TANK: variants seen among roughly 807,000 people sequenced by gnomAD.
The protein encoded by TANK is TRAF family member-associated NF-kappa-B activator.
A neutral mutation model predicts 43.6 loss-of-function variants in TANK; 15 were observed. The ratio of observed to expected loss-of-function variants is 0.34; its 90% CI spans 0.23 to 0.53. The LOEUF (loss-of-function observed/expected upper bound fraction) is 0.53. Among genes scored for constraint, TANK ranks in the 20% least tolerant of loss-of-function variants. The probability of loss-of-function intolerance (pLI) is 0.94; values close to 1 mark genes in which losing one functional copy is unlikely to be tolerated. For synonymous variants in TANK, 162 were observed against 178.2 expected (o/e 0.91, Z 0.73); for missense variants, 417 against 498.6 (o/e 0.84, Z 1.56).
upstream of TANK, chr2:161,160,341 C>A: frequency 1.0e-6 from 1 of 985,234 alleles, no homozygotes; most frequent in Non-Finnish European, 1.3e-6. Context: ...GGGCCCTGGC[C>A]TTGTTGGGTG....
upstream of TANK, among the ~76,000 whole-genome samples, chr2:161,158,074 C>T (rs969534603): frequency 6.6e-6 from 1 of 151,964 alleles, no homozygotes; most frequent in Non-Finnish European, 1.5e-5. Flanking sequence ...GAGACGTGGT[C>T]TCACTATGTT....
intron 4 of TANK, among the ~76,000 whole-genome samples, chr2:161,220,279 T>TA (rs1687282775): frequency 6.6e-6 from 1 of 152,188 alleles, no homozygotes; most frequent in Non-Finnish European, 1.5e-5. Flanking sequence ...TACATCTTGT[T>TA]AAAGAGTTTA....
At chr2:161,158,116 G>A (rs1259279561), upstream of TANK, among the ~76,000 whole-genome samples, 1 of 152,220 alleles carries the variant, frequency 6.6e-6, no homozygotes, top group African/African-American at 2.4e-5. Flanking sequence ...CTGTGCTCAA[G>A]TGATCCTCTG....
chr2:161,219,568 A>G (rs1232512862), intron 4 of TANK, among the ~76,000 whole-genome samples: 1 of 152,110 alleles, frequency 6.6e-6, no homozygotes, highest in African/African-American at 2.4e-5. Flanking sequence ...ATTAAATACA[A>G]TATTCTATTT....
intron 2 of TANK, among the ~76,000 whole-genome samples, chr2:161,199,535 A>G (rs373052037): frequency 6.6e-6 from 1 of 152,218 alleles, no homozygotes; most frequent in Non-Finnish European, 1.5e-5. Context: ...TTAAACATCT[A>G]TCTACAGAAA....
At chr2:161,201,257 A>G in intron 2 of TANK, 1 of 956,068 alleles carries the variant, frequency 1.0e-6, no homozygotes, top group Non-Finnish European at 1.2e-6. Flanking sequence ...TGATCCATTA[A>G]TTTTTCTTAG....
chr2:161,146,627 T>C (rs1402782268), intron 1 of TANK, among the ~76,000 whole-genome samples: 3 of 152,180 alleles, frequency 2.0e-5, no homozygotes, highest in Non-Finnish European at 4.4e-5. Context: ...CTTATTCATC[T>C]GGTGTTTGCT....
intron 2 of TANK, among the ~76,000 whole-genome samples, chr2:161,194,187 T>C (rs977437323): frequency 2.6e-5 from 4 of 151,988 alleles, no homozygotes; most frequent in African/African-American, 9.7e-5. Flanking sequence ...ATTACCATAA[T>C]CGTAAATGAT....
At chr2:161,165,354 T>A (rs565484260) in intron 1 of TANK, among the ~76,000 whole-genome samples, 48 of 152,276 alleles carry the variant, frequency 3.2e-4, no homozygotes, top group Admixed American at 2.6e-3. Context: ...GGATTTTTTT[T>A]AATTGCTTGA....
chr2:161,171,811 A>C (rs1458721386), intron 1 of TANK, among the ~76,000 whole-genome samples: 5 of 152,144 alleles, frequency 3.3e-5, no homozygotes, highest in African/African-American at 1.2e-4. Context: ...TCTCTTTCGA[A>C]ACAACTTTAC....
chr2:161,212,664 C>G lies in TANK; in HGVS notation c.327+7871C>G, dbSNP rs937400475. ...TAGTATGGCTTTTCTCTCCTTATTT[C>G]CCCTATCATCCCTTTTCTCACACTT... On this transcript the variant is annotated intron_variant, in intron 4 of 7. Coordinates refer to ENST00000392749, the MANE Select transcript of TANK (RefSeq NM_001199135.3). The G allele has an allele frequency of 2.7e-5, 27 of 985,150 alleles. No individual in the cohort carries two copies. The African/African-American group carries it at 4.2e-4, about 15-fold the overall frequency. 61.0% of individuals were successfully genotyped at this position (985,150 alleles called of 1,614,324 possible). A position where few individuals can be genotyped will look rare whatever the true frequency, so the allele number is the denominator to read the frequency against.
intron 2 of TANK, among the ~76,000 whole-genome samples, chr2:161,199,770 A>G (rs990937776): frequency 3.9e-5 from 6 of 152,220 alleles, no homozygotes; most frequent in Non-Finnish European, 7.3e-5. Context: ...TGGGCCAGGC[A>G]TGGTGGCTCA....
At chr2:161,182,632 T>C (rs965592067) in intron 2 of TANK, among the ~76,000 whole-genome samples, 22 of 152,182 alleles carry the variant, frequency 1.4e-4, no homozygotes, top group African/African-American at 5.3e-4. Flanking sequence ...TTCATCTTTC[T>C]GTCAACCTTC....
At chr2:161,151,543 T>C (rs1016640423) in intron 1 of TANK, among the ~76,000 whole-genome samples, 1 of 152,116 alleles carries the variant, frequency 6.6e-6, no homozygotes, top group African/African-American at 2.4e-5. Flanking sequence ...CCTGTAACAG[T>C]TTTTTACTAA....
In TANK at chr2:161,163,236, A is replaced by G. The variant is rs147721660; in HGVS notation, c.-50+2750A>G. On this transcript the variant is annotated intron_variant, in intron 1 of 7. Transcript: ENST00000392749. ...TTTGAAGATCTGAAAGAATTCACTC[A>G]TGAAACCATGTGGGTCTGGGAGTTC... The G allele has an allele frequency of 9.2e-5, 14 of 152,318 alleles. No homozygotes were observed. The East Asian group carries it at 2.7e-3, about 29-fold the overall frequency. 9.4% of individuals were successfully genotyped at this position (152,318 alleles called of 1,614,324 possible).
At chr2:161,183,622 G>A in intron 2 of TANK, among the ~76,000 whole-genome samples, 1 of 151,712 alleles carries the variant, frequency 6.6e-6, no homozygotes, top group East Asian at 1.9e-4. Context: ...TTCCAAAGAA[G>A]GAAAAAGGAA....
upstream of TANK, among the ~76,000 whole-genome samples, chr2:161,157,914 C>A (rs1488923022): frequency 6.6e-6 from 1 of 152,122 alleles, no homozygotes; most frequent in East Asian, 1.9e-4. Context: ...AAACTCCTGA[C>A]CTCAAGTGAT....
intron 2 of TANK, chr2:161,201,182 C>T (rs897994966): frequency 3.3e-4 from 328 of 984,942 alleles, no homozygotes; most frequent in Middle Eastern, 2.1e-3. Flanking sequence ...AGACTTTGCT[C>T]GACCTTTATA....
rs1687910257 is a variant in TANK at position 161,231,534 on chromosome 2, A to G, written c.1084A>G (p.Ile362Val). The G allele has an allele frequency of 6.2e-7, 1 of 1,612,246 alleles. No individual in the cohort carries two copies. The highest frequency in any genetic ancestry group is 8.5e-7 in the Non-Finnish European group (1 of 1,179,972). The stretch of plus-strand genomic sequence containing the variant: ...CTCACTCGATTCCCCGGGAAAAGCA[A>G]TCCGAGGACCACAGCAGGTAACTGT... ...FPSLDSPGKA[I>V]RGPQQPIWKP... Residue 362 changes from isoleucine (I) to valine (V), a missense_variant, in exon 7 of 8, where the codon ATC becomes GTC. Transcript: ENST00000392749.
Sources: allele counts gnomAD v4.1 joint callset (sites outside exome capture counted in the v4.1 genomes callset), GRCh38; gene constraint gnomAD v4.1.1; transcripts MANE v1.5; gene names NCBI Gene and HGNC (gene_info 2026-07-23, HGNC 2026-07-21).